TMEM132D: variants seen among roughly 807,000 people sequenced by gnomAD.
TMEM132D encodes the protein mature OL transmembrane protein.
TMEM132D carries 21 observed loss-of-function variants against 62.3 expected under a neutral mutation model. The ratio of observed to expected loss-of-function variants is 0.34; its 90% CI spans 0.24 to 0.49. The LOEUF (loss-of-function observed/expected upper bound fraction) is 0.49, where lower values mean the gene tolerates loss of function less well. TMEM132D is among the 20% of genes least tolerant of loss of function. The probability of loss-of-function intolerance (pLI) is 0.99; values close to 1 mark genes in which losing one functional copy is unlikely to be tolerated. For missense variants in TMEM132D, 1,346 were observed against 1,402.8 expected (o/e 0.96, Z 0.65); for synonymous variants, 621 against 575.6 (o/e 1.08, Z -1.13).
At chr12:129,577,687 C>T (rs269157) in intron 2 of TMEM132D, among the ~76,000 whole-genome samples, 55,115 of 150,084 alleles carry the variant, frequency 0.37, 10,381 homozygotes, top group Admixed American at 0.42. Flanking sequence ...AAGGTTCATG[C>T]GCAACTTTTT....
rs536193625 is a variant in TMEM132D, at chr12:129,886,358, G to C, written c.79+16903C>G. On this transcript the variant is annotated intron_variant, in intron 1 of 8. Coordinates refer to ENST00000422113, the MANE Select transcript of TMEM132D (RefSeq NM_133448.3). ...CTTGCTATTGTAAAATCAAAGAACT[G>C]TGTGTGAGAGAGAGAAGACAGAGGA... Among the ~76,000 whole-genome samples, 7 of 152,270 alleles carry C rather than the reference G, an allele frequency of 4.6e-5. No individual in the cohort carries two copies. In the South Asian group the frequency reaches 8.3e-4, roughly 18 times the overall value.
At position 129,710,876 on chromosome 12, in the gene TMEM132D, G is replaced by A. The variant is rs916198248; in HGVS notation, c.80-10178C>T. ...CGCACGCTGCCTCTCCCATACCCAC[G>A]CGCATTCCCCGGCTGTGTTCAGCCT... On this transcript the variant is annotated intron_variant, in intron 1 of 8. Coordinates refer to ENST00000422113, the MANE Select transcript of TMEM132D (RefSeq NM_133448.3). 1.1e-4 allele frequency among the ~76,000 whole-genome samples: 16 copies of A among 147,578 alleles called. 1 individual carries two copies. The South Asian group carries it at 2.7e-3, about 25-fold the overall frequency.
At chr12:129,417,949 A>G (rs1872180089) in intron 3 of TMEM132D, among the ~76,000 whole-genome samples, 1 of 152,236 alleles carries the variant, frequency 6.6e-6, no homozygotes, top group Non-Finnish European at 1.5e-5. Context: ...ATATGAAAAA[A>G]AGCTCATCGT....
chr12:129,319,825 G>A (rs1459558384), intron 4 of TMEM132D, among the ~76,000 whole-genome samples: 2 of 152,114 alleles, frequency 1.3e-5, no homozygotes, highest in African/African-American at 4.8e-5. Context: ...GGAAATTGAT[G>A]GCATGCGAAT....
intron 5 of TMEM132D, among the ~76,000 whole-genome samples, chr12:129,195,379 A>G (rs1370221916): frequency 6.6e-6 from 1 of 152,124 alleles, no homozygotes; most frequent in East Asian, 1.9e-4. Context: ...CCTTAGAGGC[A>G]GTTGTAAGGA....
chr12:129,363,411 G>T (rs893296840), intron 3 of TMEM132D, among the ~76,000 whole-genome samples: 1 of 152,204 alleles, frequency 6.6e-6, no homozygotes, highest in Non-Finnish European at 1.5e-5. Flanking sequence ...AATTGCTAGA[G>T]TAAAAGAAAT....
chr12:129,281,622 C>CG (rs1370849436), intron 4 of TMEM132D, among the ~76,000 whole-genome samples: 1 of 135,492 alleles, frequency 7.4e-6, no homozygotes, highest in Admixed American at 8.9e-5. Flanking sequence ...CTTCCTGACG[C>CG]CCCCGTAGCA....
chr12:129,586,372 G>C (rs1254054261), intron 2 of TMEM132D, among the ~76,000 whole-genome samples: 1 of 152,192 alleles, frequency 6.6e-6, no homozygotes, highest in African/African-American at 2.4e-5. Context: ...GATTGTGCTT[G>C]TGGGACAAAT....
chr12:129,244,395 A>AC (rs35646336), intron 4 of TMEM132D, among the ~76,000 whole-genome samples: 67,143 of 147,400 alleles, frequency 0.46, 16,005 homozygotes, highest in Middle Eastern at 0.52. Context: ...CAAAAAAAAA[A>AC]AAAAAAAAAA....
intron 3 of TMEM132D, chr12:129,521,360 A>T (rs1004715835): frequency 2.0e-5 from 3 of 152,344 alleles, no homozygotes; most frequent in Non-Finnish European, 4.4e-5. Flanking sequence ...TAGCAAGGTG[A>T]AAAAGCTTTT....
intron 1 of TMEM132D, among the ~76,000 whole-genome samples, chr12:129,886,020 C>T (rs1593198983): frequency 6.6e-6 from 1 of 152,264 alleles, no homozygotes; most frequent in East Asian, 1.9e-4. Flanking sequence ...ATATATTGAA[C>T]TTAAACTTTT....
chr12:129,209,476 A>T (rs774368044), intron 5 of TMEM132D, 44 bp downstream of exon 5: 1 of 1,608,744 alleles, frequency 6.2e-7, no homozygotes, highest in Non-Finnish European at 8.5e-7. Flanking sequence ...ACAGAAGCTG[A>T]CATGACAGCA....
intron 2 of TMEM132D, among the ~76,000 whole-genome samples, chr12:129,591,705 C>G (rs916988387): frequency 7.9e-5 from 12 of 151,864 alleles, no homozygotes; most frequent in Admixed American, 5.9e-4. Context: ...CCTGACCTCA[C>G]GAAGCTTTTT....
chr12:129,376,218 T>C (rs1160701458), intron 3 of TMEM132D, among the ~76,000 whole-genome samples: 1 of 152,150 alleles, frequency 6.6e-6, no homozygotes, highest in Non-Finnish European at 1.5e-5. Flanking sequence ...CTCATGCTGC[T>C]AATAAAGACA....
intron 2 of TMEM132D, among the ~76,000 whole-genome samples, chr12:129,619,505 C>T (rs911434950): frequency 1.3e-5 from 2 of 152,206 alleles, no homozygotes; most frequent in African/African-American, 4.8e-5. Flanking sequence ...ATTTTCCAAG[C>T]TGTCCCTATT....
intron 1 of TMEM132D, among the ~76,000 whole-genome samples, chr12:129,823,248 C>T (rs951486826): frequency 1.3e-5 from 2 of 152,194 alleles, no homozygotes; most frequent in Non-Finnish European, 2.9e-5. Flanking sequence ...AACCTCTTTT[C>T]TTTATAAATT....
intron 5 of TMEM132D, among the ~76,000 whole-genome samples, chr12:129,089,280 A>G (rs1381394936): frequency 3.2e-5 from 1 of 31,712 alleles, no homozygotes; most frequent in Non-Finnish European, 4.9e-5. Flanking sequence ...GATGTCCTCC[A>G]TGACCGGGTG....
chr12:129,153,830 C>A (rs1404198769), intron 5 of TMEM132D, among the ~76,000 whole-genome samples: 2 of 152,070 alleles, frequency 1.3e-5, no homozygotes, highest in Non-Finnish European at 2.9e-5. Context: ...TCCATGTGTC[C>A]TGGATGACTC....
intron 1 of TMEM132D, among the ~76,000 whole-genome samples, chr12:129,819,725 T>C (rs1593174590): frequency 6.6e-6 from 1 of 152,202 alleles, no homozygotes; most frequent in African/African-American, 2.4e-5. Flanking sequence ...TTGCTGCTGG[T>C]ACTGCTGTTC....
Sources: allele counts gnomAD v4.1 joint callset (sites outside exome capture counted in the v4.1 genomes callset), GRCh38; gene constraint gnomAD v4.1.1; transcripts MANE v1.5; gene names NCBI Gene and HGNC (gene_info 2026-07-23, HGNC 2026-07-21).